Variants in SNAP47 observed in about 807,000 individuals in gnomAD.
SNAP47 encodes the protein synaptosomal-associated protein 47.
Under a neutral mutation model 31.4 loss-of-function variants are expected in SNAP47, and 20 were observed. That is an observed-to-expected ratio of 0.64 (90% CI 0.45 to 0.93). SNAP47 has a LOEUF of 0.93. SNAP47 is among the 40% of genes least tolerant of loss of function. SNAP47 has a pLI of 0.00. For missense variants in SNAP47, 492 were observed against 528.5 expected (o/e 0.93, Z 0.68); for synonymous variants, 194 against 213.4 (o/e 0.91, Z 0.79).
intron 2 of SNAP47, among the ~76,000 whole-genome samples, chr1:227,757,267 A>G (rs1662756589): frequency 6.6e-6 from 1 of 152,212 alleles, no homozygotes; most frequent in Admixed American, 6.5e-5. Flanking sequence ...TGTAAAAGAA[A>G]ACCTAAAGTC....
At chr1:227,742,331 C>T (rs1661664790) in intron 1 of SNAP47, among the ~76,000 whole-genome samples, 1 of 152,150 alleles carries the variant, frequency 6.6e-6, no homozygotes, top group Admixed American at 6.5e-5. Context: ...ACCTCCCAGG[C>T]TCAAGTGATC....
chr1:227,758,059 A>G (rs896344523), intron 2 of SNAP47, among the ~76,000 whole-genome samples: 1 of 152,214 alleles, frequency 6.6e-6, no homozygotes, highest in Non-Finnish European at 1.5e-5. Flanking sequence ...ATCTGCCCCA[A>G]GGGAAGCCCT....
Position 227,763,557 on chromosome 1 carries a change from C to T in SNAP47, c.989-3402C>T, listed in dbSNP as rs1343320250. Among the ~76,000 whole-genome samples the T allele has an allele frequency of 6.6e-6, 1 of 152,140 alleles. No homozygotes were observed. The highest frequency in any genetic ancestry group is 1.5e-5 in the Non-Finnish European group (1 of 68,022). The stretch of plus-strand genomic sequence containing the variant: ...GAAGTTCCCACTGGAGCTGAAGCAC[C>T]CAGGAGCCTGCTGTGGCACCGCGGG... On this transcript the variant is annotated intron_variant, in intron 3 of 4. Coordinates refer to ENST00000617596, the MANE Select transcript of SNAP47 (RefSeq NM_053052.4). The surrounding 1 kb of genome is among the most constrained non-coding windows in gnomAD (Gnocchi z 4.2).
rs1229097227 is a variant in SNAP47, at chr1:227,766,998, C to T, written c.1028C>T (p.Pro343Leu). ...GGCCGTACCCTGCACCGTGAGCCAC[C>T]CGCAGGAGACCAGGAGGGCACAGCA... is the stretch of plus-strand genomic sequence containing the variant. The part of the protein sequence containing the change: ...LMGRTLHREP[P>L]AGDQEGTALH... Residue 343 changes from proline (P) to leucine (L), a missense_variant, in exon 4 of 5, where the codon CCC becomes CTC. Coordinates refer to ENST00000617596, the MANE Select transcript of SNAP47 (RefSeq NM_053052.4). 1 of 1,613,852 alleles carries T rather than the reference C, an allele frequency of 6.2e-7. No homozygotes were observed. The highest frequency in any genetic ancestry group is 8.5e-7 in the Non-Finnish European group (1 of 1,180,038).
chr1:227,745,775 C>T (rs768103990), intron 1 of SNAP47: 14 of 152,238 alleles, frequency 9.2e-5, no homozygotes, highest in Non-Finnish European at 1.9e-4. Context: ...GCCTGCTTAC[C>T]TCTGCCCCCA....
intron 3 of SNAP47, 117 bp downstream of exon 3, chr1:227,759,602 A>T: frequency 7.3e-7 from 1 of 1,363,376 alleles, no homozygotes; most frequent in Non-Finnish European, 1.0e-6. Flanking sequence ...GCTGGCCTCC[A>T]GCTTGCTAGA....
rs370369987 is a variant in SNAP47 at position 227,741,999 on chromosome 1, GTCTTTTTTT to G, written c.-45-5674_-45-5666del. Among the ~76,000 whole-genome samples the G allele has an allele frequency of 0.057, 8,618 of 151,106 alleles. 286 individuals are homozygous for G. The highest frequency in any genetic ancestry group is 0.1 in the Admixed American group (1,549 of 15,204). On this transcript the variant is annotated intron_variant, in intron 1 of 4. Transcript: ENST00000617596. The surrounding 1 kb of genome is among the most constrained non-coding windows in gnomAD (Gnocchi z 4.2). ...TGGTTATTCATGTCCTAATTTTTTG[GTCTTTTTTT>G]TCTTTTTTTTCTTTTTTTATTTTAT...
At position 227,766,163 on chromosome 1, in the gene SNAP47, A is replaced by C. The variant is rs1164783168; in HGVS notation, c.989-796A>C. ...CCTGGGAGGGATGCTGAGGCCACCCACCTGCCTGCCTGCCCCATCAGGAGC... is the reference window on the plus strand; with the variant it reads ...CCTGGGAGGGATGCTGAGGCCACCCCCCTGCCTGCCTGCCCCATCAGGAGC... On this transcript the variant is annotated intron_variant, in intron 3 of 4. Transcript: ENST00000617596. 5.3e-5 allele frequency among the ~76,000 whole-genome samples: 8 copies of C among 152,044 alleles called. No homozygotes were observed. In the East Asian group the frequency reaches 1.5e-3, roughly 29 times the overall value.
intron 1 of SNAP47, chr1:227,736,525 T>G (rs1334144840): frequency 7.3e-6 from 1 of 137,416 alleles, no homozygotes; most frequent in Non-Finnish European, 1.6e-5. Flanking sequence ...TTTTTTTTTT[T>G]TTTTTTTTTT....
At chr1:227,765,213 G>A (rs1056399438) in intron 3 of SNAP47, among the ~76,000 whole-genome samples, 2 of 152,078 alleles carry the variant, frequency 1.3e-5, no homozygotes, top group Non-Finnish European at 2.9e-5. Flanking sequence ...GCACACTGCA[G>A]ACCAGACTAC....
At chr1:227,769,034 C>T (rs982126576) in intron 4 of SNAP47, among the ~76,000 whole-genome samples, 12 of 152,384 alleles carry the variant, frequency 7.9e-5, no homozygotes, top group African/African-American at 1.7e-4. Context: ...ACACATCAGA[C>T]TCTCCTGTCA....
At chr1:227,733,761 C>G, upstream of SNAP47, 1 of 1,591,244 alleles carries the variant, frequency 6.3e-7, no homozygotes, top group Non-Finnish European at 8.5e-7. Flanking sequence ...CCTGGTCCAA[C>G]TGAAGGAGGG....
intron 1 of SNAP47, chr1:227,744,098 CGTGCTGTGGTTG>C (rs1280267849): frequency 6.6e-6 from 1 of 151,678 alleles, no homozygotes; most frequent in Non-Finnish European, 1.5e-5. Flanking sequence ...GCCACGGTGG[CGTGCTGTGGTTG>C]GTGCTGTGTT....
chr1:227,734,585 G>A (rs4559498), upstream of SNAP47: 4 of 1,530,334 alleles, frequency 2.6e-6, no homozygotes, highest in East Asian at 4.5e-5. Flanking sequence ...ACCTTCATCA[G>A]AAAGGCCTCT....
chr1:227,749,809 CTGTG>C (rs1357763097), intron 2 of SNAP47, among the ~76,000 whole-genome samples: 1 of 124,552 alleles, frequency 8.0e-6, no homozygotes, highest in Non-Finnish European at 1.8e-5. Flanking sequence ...CTGTTTGTGT[CTGTG>C]TGTATTTGTG....
At chr1:227,750,362 A>G (rs541437990) in intron 2 of SNAP47, among the ~76,000 whole-genome samples, 1 of 152,348 alleles carries the variant, frequency 6.6e-6, no homozygotes, top group East Asian at 1.9e-4. Context: ...GGGCCTGCCC[A>G]CATTACAGGC....
At chr1:227,744,404 A>T (rs1210023438) in intron 1 of SNAP47, among the ~76,000 whole-genome samples, 1 of 152,182 alleles carries the variant, frequency 6.6e-6, no homozygotes, top group African/African-American at 2.4e-5. Context: ...TAAGAGGAAT[A>T]CTGGGAGGTA....
intron 4 of SNAP47, among the ~76,000 whole-genome samples, chr1:227,767,556 TTGTGTGTGTTG>T (rs1663505532): frequency 6.6e-6 from 1 of 151,482 alleles, no homozygotes; most frequent in African/African-American, 2.4e-5. Context: ...CATGTGTGTG[TTGTGTGTGTTG>T]TGTGTGTATG....
intron 2 of SNAP47, 71 bp from the exon 3 acceptor site, chr1:227,758,924 T>C: frequency 6.6e-7 from 1 of 1,513,992 alleles, no homozygotes; most frequent in Non-Finnish European, 8.8e-7. Context: ...TAAAACCGTT[T>C]TCCAAAAAAA....
Sources: allele counts gnomAD v4.1 joint callset (sites outside exome capture counted in the v4.1 genomes callset), GRCh38; gene constraint gnomAD v4.1.1; non-coding constraint Gnocchi (gnomAD v3.1); transcripts MANE v1.5; gene names NCBI Gene and HGNC (gene_info 2026-07-23, HGNC 2026-07-21).